CXorf38: variants seen among roughly 807,000 people sequenced by gnomAD.
The protein encoded by CXorf38 is chromosome X open reading frame 38.
Under a neutral mutation model 27.5 loss-of-function variants are expected in CXorf38, and 13 were observed. The ratio of observed to expected loss-of-function variants is 0.47; its 90% CI spans 0.31 to 0.75. The LOEUF is 0.75. Among genes scored for constraint, CXorf38 ranks in the 30% least tolerant of loss-of-function variants. The pLI, the probability that CXorf38 is intolerant of heterozygous loss-of-function variation, is 0.05. For synonymous variants in CXorf38, 100 were observed against 99.8 expected (o/e 1.00, Z -0.01); for missense variants, 240 against 253.2 (o/e 0.95, Z 0.35).
intron 5 of CXorf38, among the ~76,000 whole-genome samples, chrX:40,632,328 C>G (rs891418146): frequency 1.8e-5 from 2 of 111,892 alleles, no homozygotes; most frequent in African/African-American, 3.3e-5. Context: ...CTCCTGACCC[C>G]CCCTGCAGAC....
In CXorf38 at chrX:40,629,999, T is replaced by C. The variant is rs1320143371; in HGVS notation, c.*165A>G. 9.0e-6 allele frequency: 1 copy of C among 111,516 alleles called. No homozygotes were observed. Among genetic ancestry groups the C allele is most frequent in the Admixed American group, 9.5e-5 (1 of 10,493 alleles). The allele number at this position is 111,516 out of a possible 1,213,427, so 9.2% of individuals were successfully genotyped here. On this transcript the variant is annotated 3_prime_UTR_variant, in exon 7 of 7. Transcript: ENST00000327877. ...AACCCCAAGTTTATAAATATTAAAA[T>C]AGTTCCAAAGAGTTAGAGGAAAGTC...
intron 3 of CXorf38, among the ~76,000 whole-genome samples, chrX:40,638,373 C>A (rs190499972): frequency 8.9e-6 from 1 of 111,976 alleles, no homozygotes; most frequent in African/African-American, 3.2e-5. Context: ...CCTATTATAA[C>A]CAGTCCAGGT....
intron 2 of CXorf38, chrX:40,640,224 G>C (rs1350129472): frequency 2.8e-5 from 9 of 317,836 alleles, no homozygotes; most frequent in Non-Finnish European, 5.4e-5. Flanking sequence ...AGGTACTCAA[G>C]AGGCTGAGGC....
rs1406877921 is a variant in CXorf38 at position 40,627,188 on chromosome X, G to C, written c.*2976C>G. 1.0e-4 allele frequency: 7 copies of C among 68,937 alleles called. No individual in the cohort carries two copies. Among genetic ancestry groups the C allele is most frequent in the East Asian group, 4.7e-4 (1 of 2,139 alleles). 5.7% of individuals were successfully genotyped at this position (68,937 alleles called of 1,213,427 possible). A position where few individuals can be genotyped will look rare whatever the true frequency, so the allele number is the denominator to read the frequency against. On this transcript the variant is annotated 3_prime_UTR_variant, in exon 7 of 7. Coordinates refer to ENST00000327877, the MANE Select transcript of CXorf38 (RefSeq NM_144970.3). ...AGCTTGCTATGCATTTTTTTTTTTG[G>C]GGGGGGGGGGTTGTTTTTTAGAGAC...
In CXorf38 at chrX:40,647,234, T is replaced by C. The variant is rs1330444899; in HGVS notation, c.216+71A>G. On this transcript the variant is annotated intron_variant, in intron 1 of 6. Transcript: ENST00000327877. ...GGGAACAGGACACTTGCGCTCTGGGTCTGGGACAGGAACGGGGATGAGGAG... is the reference window on the plus strand; with the variant it reads ...GGGAACAGGACACTTGCGCTCTGGGCCTGGGACAGGAACGGGGATGAGGAG... 9 of 1,132,217 alleles carry C rather than the reference T, an allele frequency of 7.9e-6. No homozygotes were observed. The East Asian group carries it at 2.5e-4, about 32-fold the overall frequency. 93.3% of individuals were successfully genotyped at this position (1,132,217 alleles called of 1,213,427 possible). A position where few individuals can be genotyped will look rare whatever the true frequency, so the allele number is the denominator to read the frequency against.
chrX:40,636,591 TTTAGTAACTGC>T lies in CXorf38; in HGVS notation c.732_742del (p.Met244IlefsTer19). On this transcript the variant is annotated frameshift_variant, in exon 5 of 7. Transcript: ENST00000327877. LOFTEE classifies it high-confidence loss of function. Reference sequence around the variant, plus strand: ...AAGATATATCTCTTGAAGTTTCTCCTTTAGTAACTGCATTTCTATTTCATTGACTTGGCTCT... The same window carrying T: ...AAGATATATCTCTTGAAGTTTCTCCTATTTCTATTTCATTGACTTGGCTCT... The T allele has an allele frequency of 7.5e-6, 9 of 1,203,889 alleles. No homozygotes were observed. The highest frequency in any genetic ancestry group is 1.0e-5 in the Non-Finnish European group (9 of 889,447).
chrX:40,627,185 T>TGG lies in CXorf38; in HGVS notation c.*2978_*2979insCC, dbSNP rs1569266499. 1 of 72,702 alleles carries TGG rather than the reference T, an allele frequency of 1.4e-5. No individual in the cohort carries two copies. The highest frequency in any genetic ancestry group is 7.7e-5 in the African/African-American group (1 of 13,003). 6.0% of individuals were successfully genotyped at this position (72,702 alleles called of 1,213,427 possible). ...TACAGCTTGCTATGCATTTTTTTTT[T>TGG]TGGGGGGGGGGGGTTGTTTTTTAGA... On this transcript the variant is annotated 3_prime_UTR_variant, in exon 7 of 7. Transcript: ENST00000327877.
At chrX:40,640,146 C>A in intron 2 of CXorf38, 3 of 295,491 alleles carry the variant, frequency 1.0e-5, no homozygotes, top group Non-Finnish European at 1.9e-5. Flanking sequence ...GCCTGGGCAA[C>A]AAAGCAAGAC....
chrX:40,634,919 AT>A (rs1364747382), intron 5 of CXorf38, among the ~76,000 whole-genome samples: 7 of 112,246 alleles, frequency 6.2e-5, no homozygotes, highest in African/African-American at 1.6e-4. Context: ...TGTAAAACAG[AT>A]AATGGGGGTT....
intron 2 of CXorf38, among the ~76,000 whole-genome samples, chrX:40,642,587 G>A (rs1928374090): frequency 8.9e-6 from 1 of 111,748 alleles, no homozygotes; most frequent in African/African-American, 3.3e-5. Context: ...TAAGAGAGAC[G>A]AGGTCACAGA....
chrX:40,639,237 C>A (rs1928212272), intron 2 of CXorf38, 109 bp from the exon 3 acceptor site: 4 of 866,508 alleles, frequency 4.6e-6, no homozygotes, highest in Non-Finnish European at 4.8e-6. Context: ...TTCTCTTATG[C>A]ACTGAGGTTT....
chrX:40,644,045 GT>G (rs1281469007), intron 2 of CXorf38, among the ~76,000 whole-genome samples: 1 of 112,038 alleles, frequency 8.9e-6, no homozygotes, highest in African/African-American at 3.3e-5. Context: ...TATTTGGGTT[GT>G]TTCTACCTTT....
intron 2 of CXorf38, among the ~76,000 whole-genome samples, chrX:40,644,880 G>A (rs912805479): frequency 8.9e-6 from 1 of 112,032 alleles, no homozygotes; most frequent in African/African-American, 3.3e-5. Flanking sequence ...TGGCCAGACC[G>A]CTGGGGCTCA....
chrX:40,640,165 CTA>C (rs1302840392), intron 2 of CXorf38: 1 of 309,529 alleles, frequency 3.2e-6, no homozygotes, highest in Non-Finnish European at 6.1e-6. Context: ...ACTCCCATCT[CTA>C]TTAAAAAAAA....
intron 2 of CXorf38, among the ~76,000 whole-genome samples, chrX:40,642,221 T>C (rs377502931): frequency 5.4e-5 from 6 of 110,677 alleles, no homozygotes; most frequent in African/African-American, 2.0e-4. Context: ...AGAAAGTTGG[T>C]AATGGGGAAC....
At chrX:40,644,749 A>G (rs1433815482) in intron 2 of CXorf38, among the ~76,000 whole-genome samples, 2 of 111,901 alleles carry the variant, frequency 1.8e-5, no homozygotes, top group Non-Finnish European at 3.8e-5. Flanking sequence ...AGGAGAGACA[A>G]CTATGTATGT....
At position 40,639,116 on chromosome X, in the gene CXorf38, G is replaced by A. The variant is rs1318840802; in HGVS notation, c.364C>T (p.Arg122Ter). 5 of 1,208,972 alleles carry A rather than the reference G, an allele frequency of 4.1e-6. No individual in the cohort carries two copies. The highest frequency in any genetic ancestry group is 1.8e-5 in the South Asian group (1 of 56,754). ...GGTCCTTGTTTGTCTGCTAGTCCTC[G>A]GGGCATGAAGGCCTATAGCAAGGGA... ...AWEVAKAFMP[R>*]GLADKQGPEE... The change falls in exon 3 of 7, where the codon CGA becomes TGA. Residue 122 changes from arginine (R) to a stop codon, truncating the protein, a stop_gained. Transcript: ENST00000327877. LOFTEE classifies it high-confidence loss of function.
chrX:40,634,739 C>T (rs1441904030), intron 5 of CXorf38, among the ~76,000 whole-genome samples: 2 of 111,760 alleles, frequency 1.8e-5, no homozygotes, highest in African/African-American at 3.3e-5. Context: ...GGAAACCTGA[C>T]CTCCAACTTT....
rs776784153 is a variant in CXorf38, at chrX:40,627,947, C to T, written c.*2217G>A. On this transcript the variant is annotated 3_prime_UTR_variant, in exon 7 of 7. Transcript: ENST00000327877. ...ACTAGACACAGGTATAAAATGGAAG[C>T]GTTCATAACCCAAAGTTCCTAAAAT... The T allele has an allele frequency of 8.9e-6, 1 of 112,110 alleles. No individual in the cohort carries two copies. Among genetic ancestry groups the T allele is most frequent in the African/African-American group, 3.2e-5 (1 of 30,860 alleles). The allele number at this position is 112,110 out of a possible 1,213,427, so 9.2% of individuals were successfully genotyped here.
Sources: gnomAD v4.1 joint callset for allele counts (sites outside exome capture counted in the v4.1 genomes callset) on GRCh38, gnomAD v4.1.1 for gene constraint, MANE v1.5 for transcripts, NCBI Gene and HGNC (gene_info 2026-07-23, HGNC 2026-07-21) for gene names.